The following PCDH9 variants were observed in gnomAD, a reference collection of about 807,000 sequenced individuals.
The protein encoded by PCDH9 is protocadherin-9.
Under a neutral mutation model 70.6 loss-of-function variants are expected in PCDH9, and 24 were observed. That is an observed-to-expected ratio of 0.34 (90% confidence interval 0.25 to 0.48). The LOEUF (loss-of-function observed/expected upper bound fraction) is 0.48, where lower values mean the gene tolerates loss of function less well. Ranked by LOEUF, PCDH9 falls within the 20% of genes least tolerant of loss-of-function variation. The probability of loss-of-function intolerance (pLI) is 0.99; values close to 1 mark genes in which losing one functional copy is unlikely to be tolerated. For synonymous variants in PCDH9, 562 were observed against 558.5 expected (o/e 1.01, Z -0.09); for missense variants, 1,281 against 1,503.6 (o/e 0.85, Z 2.45).
At chr13:66,512,812 C>CTTTT (rs1307184613) in intron 4 of PCDH9, among the ~76,000 whole-genome samples, 1 of 151,854 alleles carries the variant, frequency 6.6e-6, no homozygotes, top group African/African-American at 2.4e-5. Context: ...TTCTTTCTTT[C>CTTTT]TTTTTTTGTT....
At chr13:67,129,317 A>T (rs1352645212) in intron 2 of PCDH9, among the ~76,000 whole-genome samples, 1 of 152,216 alleles carries the variant, frequency 6.6e-6, no homozygotes, top group Non-Finnish European at 1.5e-5. Flanking sequence ...CATGGTAATT[A>T]TGCCTATGGT....
At chr13:67,100,757 T>C (rs1307561611) in intron 2 of PCDH9, among the ~76,000 whole-genome samples, 2 of 152,218 alleles carry the variant, frequency 1.3e-5, no homozygotes, top group African/African-American at 4.8e-5. Flanking sequence ...ATTTCATTCC[T>C]TGGTTGCTTG....
At chr13:67,061,258 G>A (rs1213786541) in intron 2 of PCDH9, among the ~76,000 whole-genome samples, 1 of 151,868 alleles carries the variant, frequency 6.6e-6, no homozygotes, top group Non-Finnish European at 1.5e-5. Context: ...ATCATACCTT[G>A]GGTTTCTTTC....
At chr13:66,459,722 G>A (rs1016190064) in intron 4 of PCDH9, among the ~76,000 whole-genome samples, 7 of 151,950 alleles carry the variant, frequency 4.6e-5, no homozygotes, top group African/African-American at 1.2e-4. Flanking sequence ...AAATGTATTC[G>A]CATGCTTTAA....
intron 4 of PCDH9, among the ~76,000 whole-genome samples, chr13:66,387,921 T>C (rs572725223): frequency 8.9e-4 from 135 of 152,336 alleles, no homozygotes; most frequent in African/African-American, 3.0e-3. Context: ...ATTTGATGAA[T>C]AAATAATTCA....
chr13:66,493,548 T>C (rs943689532), intron 4 of PCDH9, among the ~76,000 whole-genome samples: 1 of 152,118 alleles, frequency 6.6e-6, no homozygotes, highest in Admixed American at 6.6e-5. Flanking sequence ...TTTTAAACCA[T>C]GAAATGTGAT....
Position 66,305,025 on chromosome 13 carries a change from C to A in PCDH9, c.3344G>T (p.Gly1115Val), listed in dbSNP as rs1378077622. 6.2e-7 allele frequency: 1 copy of A among 1,606,072 alleles called. No homozygotes were observed. The highest frequency in any genetic ancestry group is 8.5e-7 in the Non-Finnish European group (1 of 1,175,280). The change falls in exon 5 of 5, where the codon GGG becomes GTG. Residue 1115 changes from glycine to valine, a missense_variant. Gly to Val is a moderately radical substitution (Grantham distance 109). This residue lies in a region of PCDH9 where 264 missense variants were observed against 278.8 expected (regional missense o/e 0.95). Coordinates refer to ENST00000377865, the MANE Select transcript of PCDH9 (RefSeq NM_203487.3). ...AGCTAATCCTCGGGGACCCAAAGGCCCATCTGCAGAAGACAAGAGAGAGAA... is the reference window on the plus strand; with the variant it reads ...AGCTAATCCTCGGGGACCCAAAGGCACATCTGCAGAAGACAAGAGAGAGAA... ...ADGNSDPNSD[G>V]PLGPRGLAEA...
chr13:66,722,685 G>A (rs187074145), intron 3 of PCDH9, among the ~76,000 whole-genome samples: 2 of 152,176 alleles, frequency 1.3e-5, no homozygotes, highest in East Asian at 3.9e-4. Flanking sequence ...AAACACCTAT[G>A]TGCCGGGCGC....
chr13:66,867,526 T>C (rs954383396), intron 3 of PCDH9, among the ~76,000 whole-genome samples: 3 of 152,094 alleles, frequency 2.0e-5, no homozygotes, highest in African/African-American at 4.8e-5. Context: ...GGTATGTATG[T>C]TTGATGAGAA....
chr13:66,692,091 A>G (rs945751404), intron 3 of PCDH9, among the ~76,000 whole-genome samples: 5 of 152,184 alleles, frequency 3.3e-5, no homozygotes. Context: ...TAGATGAGGA[A>G]CATGCTATAA....
At chr13:67,055,871 G>A (rs1205160750) in intron 2 of PCDH9, among the ~76,000 whole-genome samples, 1 of 152,112 alleles carries the variant, frequency 6.6e-6, no homozygotes, top group East Asian at 1.9e-4. Context: ...GAACACAGAG[G>A]GCCAGGGACG....
At chr13:66,857,382 G>A (rs1263837439) in intron 3 of PCDH9, among the ~76,000 whole-genome samples, 1 of 152,092 alleles carries the variant, frequency 6.6e-6, no homozygotes, top group African/African-American at 2.4e-5. Flanking sequence ...GAGCAGTCAA[G>A]AATTTTGTTT....
chr13:66,374,863 A>G (rs1433743867), intron 4 of PCDH9, among the ~76,000 whole-genome samples: 2 of 152,152 alleles, frequency 1.3e-5, no homozygotes, highest in African/African-American at 2.4e-5. Flanking sequence ...CAGACTGGTC[A>G]GAGTTTGTTA....
At chr13:66,519,581 G>A (rs756081708) in intron 4 of PCDH9, among the ~76,000 whole-genome samples, 9 of 152,042 alleles carry the variant, frequency 5.9e-5, no homozygotes, top group Non-Finnish European at 1.2e-4. Flanking sequence ...TTGGCCCTAA[G>A]ATTTTATGAG....
At chr13:66,961,924 G>A (rs973003268) in intron 2 of PCDH9, among the ~76,000 whole-genome samples, 1 of 151,966 alleles carries the variant, frequency 6.6e-6, no homozygotes, top group Non-Finnish European at 1.5e-5. Flanking sequence ...GGTGGCGTGT[G>A]CCGGTAATCC....
At position 66,602,495 on chromosome 13, in the gene PCDH9, TA is replaced by T. The variant is rs1290007679; in HGVS notation, c.3340+28714del. 2.8e-5 allele frequency among the ~76,000 whole-genome samples: 4 copies of T among 142,636 alleles called. 1 individual carries two copies. Among genetic ancestry groups the T allele is most frequent in the Non-Finnish European group, 6.3e-5 (4 of 63,668 alleles). The allele number at this position is 142,636 out of a possible 152,430, so 93.6% of individuals were successfully genotyped here. A position where few individuals can be genotyped will look rare whatever the true frequency, so the allele number is the denominator to read the frequency against. ...GTGTCTTAGTTTTTAACAAACAAAT[TA>T]AAAAAAAACAACAACAGAAAAGTAT... On this transcript the variant is annotated intron_variant, in intron 4 of 4. Transcript: ENST00000377865.
intron 4 of PCDH9, among the ~76,000 whole-genome samples, chr13:66,557,947 T>C (rs999816159): frequency 2.0e-5 from 3 of 151,416 alleles, no homozygotes. Flanking sequence ...AGGCCAGGAG[T>C]TTGGAGACCA....
intron 4 of PCDH9, among the ~76,000 whole-genome samples, chr13:66,353,952 A>G (rs1237333694): frequency 6.6e-6 from 1 of 152,200 alleles, no homozygotes. Flanking sequence ...ACCGGTAAGA[A>G]GGAAAATCCT....
intron 3 of PCDH9, among the ~76,000 whole-genome samples, chr13:66,885,651 C>G (rs1295993868): frequency 6.6e-6 from 1 of 152,124 alleles, no homozygotes; most frequent in African/African-American, 2.4e-5. Flanking sequence ...GCTGATGTTA[C>G]TGAATTCTAA....
Sources: allele counts gnomAD v4.1 joint callset (sites outside exome capture counted in the v4.1 genomes callset), GRCh38; gene constraint gnomAD v4.1.1; regional missense constraint gnomAD v4.1.1; transcripts MANE v1.5; gene names NCBI Gene and HGNC (gene_info 2026-07-23, HGNC 2026-07-21).